RIF1: variants seen among roughly 807,000 people sequenced by gnomAD.
RIF1 encodes the protein telomere-associated protein RIF1.
A neutral mutation model predicts 247.1 loss-of-function variants in RIF1; 45 were observed. The ratio of observed to expected loss-of-function variants is 0.18; its 90% CI spans 0.14 to 0.23. RIF1 has a LOEUF of 0.23. RIF1 is among the 10% of genes least tolerant of loss of function. The pLI is 1.00. For synonymous variants in RIF1, 1,087 were observed against 978.8 expected (o/e 1.11, Z -2.06); for missense variants, 2,967 against 2,862.5 (o/e 1.04, Z -0.83).
At chr2:151,410,720 C>G (rs186781657) in intron 2 of RIF1, among the ~76,000 whole-genome samples, 193 bp downstream of exon 2, 6 of 152,040 alleles carry the variant, frequency 3.9e-5, no homozygotes, top group African/African-American at 1.4e-4. Flanking sequence ...GCTGCTGCTG[C>G]GCTTGAGGTG....
At chr2:151,454,854 A>C in intron 21 of RIF1, 41 bp from the exon 22 acceptor site, 2 of 1,464,448 alleles carry the variant, frequency 1.4e-6, no homozygotes, top group Non-Finnish European at 1.8e-6. Context: ...TCCTATTTTC[A>C]ATTTATTTGA....
intron 8 of RIF1, among the ~76,000 whole-genome samples, chr2:151,427,765 A>G (rs1689378952): frequency 1.3e-5 from 2 of 151,616 alleles, no homozygotes; most frequent in Admixed American, 1.3e-4. Flanking sequence ...CCTTGTCTCT[A>G]CTAAAAATAC....
At chr2:151,418,968 CTTTTTTT>C (rs36020810) in intron 6 of RIF1, among the ~76,000 whole-genome samples, 1 of 111,774 alleles carries the variant, frequency 8.9e-6, no homozygotes, top group East Asian at 2.6e-4. Flanking sequence ...GCCTTAAATT[CTTTTTTT>C]TTTTTTTTTT....
chr2:151,436,629 A>G (rs1279907444), intron 11 of RIF1, among the ~76,000 whole-genome samples, 198 bp from the exon 12 acceptor site: 1 of 151,816 alleles, frequency 6.6e-6, no homozygotes, highest in Non-Finnish European at 1.5e-5. Context: ...TGTGTGTCAT[A>G]TGTATTATTT....
rs1386190073 is a variant in RIF1 at position 151,440,184 on chromosome 2, A to G, written c.1647+57A>G. ...AAACCATTTTCTGAAGTTAAATTTT[A>G]TATAGAAGATATTTGCACAAATCTA... On this transcript the variant is annotated intron_variant, in intron 15 of 35. Coordinates refer to ENST00000444746, the MANE Select transcript of RIF1 (RefSeq NM_018151.5). 8 of 920,692 alleles carry G rather than the reference A, an allele frequency of 8.7e-6. No homozygotes were observed. In the East Asian group the frequency reaches 1.5e-4, roughly 17 times the overall value. 57.0% of individuals were successfully genotyped at this position (920,692 alleles called of 1,614,324 possible).
chr2:151,412,744 G>A lies in RIF1; in HGVS notation c.183+1406G>A, dbSNP rs147060515. 2.3e-3 allele frequency among the ~76,000 whole-genome samples: 352 copies of A among 151,882 alleles called. 9 individuals are homozygous for A. The East Asian group carries it at 0.046, about 20-fold the overall frequency. ...GTGATCCACCCGCCTTGGCCTCTCA[G>A]AGGGCTAGGATTATAGGTGTGAGCC... On this transcript the variant is annotated intron_variant, in intron 3 of 35. Transcript: ENST00000444746.
intron 9 of RIF1, 115 bp downstream of exon 9, chr2:151,429,037 TA>T: frequency 1.6e-6 from 1 of 642,732 alleles, no homozygotes. Context: ...ACTACTGAAT[TA>T]TTTTCATTTT....
At chr2:151,525,260 T>C in the RIF1 span, 1 of 1,611,244 alleles carries the variant, frequency 6.2e-7, no homozygotes, top group Non-Finnish European at 8.5e-7. Context: ...GACAAACTTC[T>C]TTTTGTAATT....
At chr2:151,490,618 G>A in intron 9 of RIF1, 3 of 1,433,712 alleles carry the variant, frequency 2.1e-6, no homozygotes, top group Non-Finnish European at 1.9e-6. Context: ...TCTTTGCCAA[G>A]CATGGTTTTA....
At position 151,496,311 on chromosome 2, in the gene RIF1, C is replaced by T. The variant is rs1385464726; in HGVS notation, c.*513+985C>T. The T allele has an allele frequency of 1.2e-6, 2 of 1,612,138 alleles. No individual in the cohort carries two copies. On this transcript the variant is annotated intron_variant and NMD_transcript_variant, in intron 10 of 13. Transcript: ENST00000454583. ...TTTTCTTGATTGTGTTTGACTCGCT[C>T]CATCTCGGGAGTGACAGCTAAAGGA...
the RIF1 span, among the ~76,000 whole-genome samples, chr2:151,531,430 C>T: frequency 6.6e-6 from 1 of 150,570 alleles, no homozygotes; most frequent in Non-Finnish European, 1.5e-5. Flanking sequence ...AATTGTCACG[C>T]CTCAGCCTCC....
chr2:151,493,283 C>T (rs1171492723), intron 9 of RIF1: 20 of 1,150,278 alleles, frequency 1.7e-5, no homozygotes, highest in South Asian at 5.6e-5. Context: ...ATGAGAAAGG[C>T]GTGTTTTTAT....
intron 9 of RIF1, chr2:151,491,809 C>A (rs1321048867): frequency 1.3e-6 from 2 of 1,495,838 alleles, no homozygotes; most frequent in Non-Finnish European, 1.8e-6. Context: ...AACAAGTGTT[C>A]TTGGAGTTTT....
chr2:151,462,303 T>A lies in RIF1; in HGVS notation c.3289T>A (p.Tyr1097Asn). 6.3e-7 allele frequency: 1 copy of A among 1,586,620 alleles called. No individual in the cohort carries two copies. The highest frequency in any genetic ancestry group is 8.6e-7 in the Non-Finnish European group (1 of 1,163,392). Reference protein sequence around the residue: ...DVSQDTLFTQYSQEEPMEIPT... With the variant: ...DVSQDTLFTQNSQEEPMEIPT... ...TTCCCAAGATACCTTATTTACTCAG[T>A]ATAGTCAGGAAGAGCCTATGTAAGT... The change falls in exon 28 of 36, where the codon TAT becomes AAT. Residue 1097 changes from tyrosine (Y) to asparagine (N), a missense_variant. Tyr to Asn is a moderately radical substitution (Grantham distance 143). This residue lies in a region of RIF1 where 2,028 missense variants were observed against 1,825.6 expected (regional missense o/e 1.11). Coordinates refer to ENST00000444746, the MANE Select transcript of RIF1 (RefSeq NM_018151.5).
intron 9 of RIF1, among the ~76,000 whole-genome samples, chr2:151,488,827 T>C (rs544587883): frequency 1.5e-3 from 228 of 152,308 alleles, no homozygotes; most frequent in African/African-American, 5.2e-3. Context: ...CCTTTCTTGC[T>C]GATTTATAAT....
chr2:151,465,621 G>A lies in RIF1; in HGVS notation c.6101G>A (p.Gly2034Asp). ...ATCGGCGAGGCAATGGCTGAAACTG[G>A]CCATGATGGTGAAACAGAGAATGAG... ...MMIGEAMAET[G>D]HDGETENEGI... The change falls in exon 30 of 36, where the codon GGC (glycine) becomes GAC (aspartate). Residue 2034 changes from glycine to aspartate, a missense_variant. Around this residue, in one of 7 missense-constraint regions of RIF1, gnomAD observed 2,028 missense variants for 1,825.6 expected, o/e 1.11. Transcript: ENST00000444746. The A allele has an allele frequency of 6.2e-7, 1 of 1,614,012 alleles. No individual in the cohort carries two copies. The highest frequency in any genetic ancestry group is 1.6e-4 in the Middle Eastern group (1 of 6,062).
the RIF1 span, chr2:151,529,199 C>CTGGA: frequency 1.0e-4 from 159 of 1,587,232 alleles, 1 homozygote; most frequent in Non-Finnish European, 1.2e-5. Context: ...GGGGAAGTTT[C>CTGGA]TGGAACTTAC....
rs753074693 is a variant in RIF1 at position 151,475,170 on chromosome 2, CTT to C, written c.*101_*102del. ...ATAGCACAATTTCAAAGAAGAGACT[CTT>C]TGCAAAGTTGATAACATTTCAAACC... On this transcript the variant is annotated 3_prime_UTR_variant, in exon 36 of 36. Coordinates refer to ENST00000444746, the MANE Select transcript of RIF1 (RefSeq NM_018151.5). 6.0e-5 allele frequency: 50 copies of C among 838,168 alleles called. No homozygotes were observed. The African/African-American group carries it at 7.3e-4, about 12-fold the overall frequency. 51.9% of individuals were successfully genotyped at this position (838,168 alleles called of 1,614,324 possible). A position where few individuals can be genotyped will look rare whatever the true frequency, so the allele number is the denominator to read the frequency against.
chr2:151,526,182 C>G, the RIF1 span: 18 of 1,613,916 alleles, frequency 1.1e-5, no homozygotes, highest in South Asian at 1.8e-4. Flanking sequence ...TGCTGACAGT[C>G]TTCGCCAGCA....
Sources: gnomAD v4.1 joint callset for allele counts (sites outside exome capture counted in the v4.1 genomes callset) on GRCh38, gnomAD v4.1.1 for gene constraint, gnomAD v4.1.1 regional missense constraint, MANE v1.5 for transcripts, NCBI Gene and HGNC (gene_info 2026-07-23, HGNC 2026-07-21) for gene names.